GRIK4: variants seen among roughly 807,000 people sequenced by gnomAD.
GRIK4 encodes glutamate receptor ionotropic, kainate 4.
A neutral mutation model predicts 104.9 loss-of-function variants in GRIK4; 40 were observed. That is an observed-to-expected ratio of 0.38 (90% CI 0.30 to 0.50). GRIK4 has a LOEUF of 0.50. Ranked by LOEUF, GRIK4 falls within the 20% of genes least tolerant of loss-of-function variation. GRIK4 has a pLI of 0.93. For missense variants in GRIK4, 1,047 were observed against 1,308.1 expected, an observed-to-expected ratio of 0.80 and a Z score of 3.08; for synonymous variants, 485 against 524.9, an observed-to-expected ratio of 0.92 and a Z score of 1.04.
At chr11:120,522,231 G>C (rs374212390) in intron 1 of GRIK4, among the ~76,000 whole-genome samples, 151 of 152,372 alleles carry the variant, frequency 9.9e-4, no homozygotes, top group African/African-American at 3.4e-3. Flanking sequence ...GCCCGGCGTA[G>C]GGAATGTGCT....
chr11:120,723,569 C>T (rs112761613), intron 3 of GRIK4, among the ~76,000 whole-genome samples: 5 of 152,306 alleles, frequency 3.3e-5, no homozygotes, highest in African/African-American at 1.2e-4. Flanking sequence ...CAAGGTCACA[C>T]AGATGTACCC....
Position 120,964,150 on chromosome 11 carries a change from C to T in GRIK4, c.2266+1469C>T, listed in dbSNP as rs1263468574. On this transcript the variant is annotated intron_variant, in intron 18 of 20. Coordinates refer to ENST00000527524, the MANE Select transcript of GRIK4 (RefSeq NM_014619.5). ...GGGACTACAGACGTGCACTACCACACCCAGCTAATTTTTGTATTTTTGGTA... is the reference window on the plus strand; with the variant it reads ...GGGACTACAGACGTGCACTACCACATCCAGCTAATTTTTGTATTTTTGGTA... Among the ~76,000 whole-genome samples, 5 of 151,958 alleles carry T rather than the reference C, an allele frequency of 3.3e-5. No individual in the cohort carries two copies. The East Asian group carries it at 9.6e-4, about 29-fold the overall frequency.
intron 1 of GRIK4, among the ~76,000 whole-genome samples, chr11:120,636,243 TTTATGTCTGAGG>T (rs1402723203): frequency 6.6e-6 from 1 of 152,196 alleles, no homozygotes; most frequent in Non-Finnish European, 1.5e-5. Flanking sequence ...GTCTTCTTCT[TTTATGTCTGAGG>T]TTATGTGCTG....
intron 20 of GRIK4, among the ~76,000 whole-genome samples, chr11:120,983,915 G>A (rs1944694162): frequency 6.6e-6 from 1 of 152,162 alleles, no homozygotes; most frequent in African/African-American, 2.4e-5. Flanking sequence ...GATTAGGCAG[G>A]TGGTACTGTT....
Position 120,953,734 on chromosome 11 carries a change from C to T in GRIK4, c.1700+770C>T, listed in dbSNP as rs751582726. Among the ~76,000 whole-genome samples the T allele has an allele frequency of 2.6e-5, 4 of 152,192 alleles. No homozygotes were observed. The highest frequency in any genetic ancestry group is 2.9e-5 in the Non-Finnish European group (2 of 68,036). On this transcript the variant is annotated intron_variant, in intron 15 of 20. Coordinates refer to ENST00000527524, the MANE Select transcript of GRIK4 (RefSeq NM_014619.5). The surrounding 1 kb of genome is among the most constrained non-coding windows in gnomAD (Gnocchi z 4.9). Reference sequence around the variant, plus strand: ...AGACTGTGCACAGCAAAGGTAGTTTCGCTCCAGGCCAAGGCTGTTGGGCCA... The same window carrying T: ...AGACTGTGCACAGCAAAGGTAGTTTTGCTCCAGGCCAAGGCTGTTGGGCCA...
chr11:120,797,401 C>T (rs768751165), intron 3 of GRIK4, among the ~76,000 whole-genome samples: 9 of 152,202 alleles, frequency 5.9e-5, no homozygotes, highest in Non-Finnish European at 8.8e-5. Flanking sequence ...GTTCACTGCA[C>T]ATTAAGTCTT....
intron 3 of GRIK4, among the ~76,000 whole-genome samples, chr11:120,750,704 C>T (rs991273568): frequency 2.6e-5 from 4 of 152,148 alleles, no homozygotes; most frequent in African/African-American, 4.8e-5. Context: ...GTTACTTCCT[C>T]ATCTAGAACA....
intron 8 of GRIK4, among the ~76,000 whole-genome samples, chr11:120,845,693 C>T (rs913691467): frequency 2.0e-5 from 3 of 151,926 alleles, no homozygotes; most frequent in Non-Finnish European, 4.4e-5. Context: ...CCAGAAGTTA[C>T]AATCCATCAG....
chr11:120,960,911 G>A lies in GRIK4; in HGVS notation c.1877G>A (p.Trp626Ter). 1 of 1,612,288 alleles carries A rather than the reference G, an allele frequency of 6.2e-7. No individual in the cohort carries two copies. Among genetic ancestry groups the A allele is most frequent in the Admixed American group, 1.7e-5 (1 of 59,650 alleles). The change falls in exon 17 of 21, where the codon TGG becomes TAG. Residue 626 changes from tryptophan to a stop codon, truncating the protein, a stop_gained and splice_region_variant. Transcript: ENST00000527524. LOFTEE classifies it high-confidence loss of function. ...LSTRCVSGVW[W>*]AFTLIIISSY... is the part of the protein sequence containing the mutation. ...CTTCCTCGTCTTTTCCTACATAGGTGGGCATTCACGCTGATCATCATCTCA... is the reference window on the plus strand; with the variant it reads ...CTTCCTCGTCTTTTCCTACATAGGTAGGCATTCACGCTGATCATCATCTCA...
chr11:120,905,531 CTGGGAGGG>C lies in GRIK4; in HGVS notation c.1476+39_1476+46del. The C allele has an allele frequency of 3.4e-5, 16 of 468,994 alleles. No homozygotes were observed. Among genetic ancestry groups the C allele is most frequent in the East Asian group, 6.1e-5 (1 of 16,364 alleles). The allele number at this position is 468,994 out of a possible 1,614,324, so 29.1% of individuals were successfully genotyped here. On this transcript the variant is annotated intron_variant, in intron 13 of 20. Coordinates refer to ENST00000527524, the MANE Select transcript of GRIK4 (RefSeq NM_014619.5). The surrounding 1 kb of genome is among the most constrained non-coding windows in gnomAD (Gnocchi z 5.1). ...CAAGTGATCTGGGCCTGAGGGTGGGCTGGGAGGGATTGGAAGAGCATGAGGTTGTGCTG... is the reference window on the plus strand; with the variant it reads ...CAAGTGATCTGGGCCTGAGGGTGGGCATTGGAAGAGCATGAGGTTGTGCTG...
intron 1 of GRIK4, among the ~76,000 whole-genome samples, chr11:120,577,788 C>T (rs1303359670): frequency 6.6e-6 from 1 of 152,182 alleles, no homozygotes; most frequent in African/African-American, 2.4e-5. Flanking sequence ...CCCTTCCCTG[C>T]TGGCGGCAGG....
chr11:120,726,427 C>T (rs3133846), intron 3 of GRIK4, among the ~76,000 whole-genome samples: 103,602 of 152,110 alleles, frequency 0.68, 35,530 homozygotes, highest in Middle Eastern at 0.78. Flanking sequence ...GGTGGAGGCC[C>T]AGGCCAGGGT....
intron 3 of GRIK4, among the ~76,000 whole-genome samples, chr11:120,775,684 A>G (rs748819359): frequency 1.3e-5 from 2 of 152,248 alleles, no homozygotes; most frequent in Non-Finnish European, 2.9e-5. Context: ...TCATATTCAG[A>G]GCCTGTGGCC....
At chr11:120,756,743 A>G (rs1951660561) in intron 3 of GRIK4, among the ~76,000 whole-genome samples, 3 of 152,124 alleles carry the variant, frequency 2.0e-5, no homozygotes. Context: ...GGATGTTTTT[A>G]TTATTTAAGA....
chr11:120,878,720 C>G (rs1954885311), intron 11 of GRIK4, among the ~76,000 whole-genome samples: 1 of 151,144 alleles, frequency 6.6e-6, no homozygotes, highest in African/African-American at 2.4e-5. Flanking sequence ...ATCAGGGACA[C>G]AGATGTAGCT....
intron 11 of GRIK4, among the ~76,000 whole-genome samples, chr11:120,895,123 C>T (rs1942542547): frequency 6.6e-6 from 1 of 152,054 alleles, no homozygotes; most frequent in Admixed American, 6.6e-5. Context: ...ATAGTTCCTA[C>T]CCCTGGCTTT....
At chr11:120,882,221 G>T (rs986050037) in intron 11 of GRIK4, among the ~76,000 whole-genome samples, 3 of 152,148 alleles carry the variant, frequency 2.0e-5, no homozygotes, top group African/African-American at 4.8e-5. Context: ...GGCTATTAAG[G>T]CTCAGACAGG....
intron 1 of GRIK4, among the ~76,000 whole-genome samples, chr11:120,589,728 C>T (rs1049608450): frequency 2.0e-5 from 3 of 152,218 alleles, no homozygotes; most frequent in Non-Finnish European, 2.9e-5. Flanking sequence ...TGCCCAGCAT[C>T]TCCTATCATC....
intron 13 of GRIK4, among the ~76,000 whole-genome samples, chr11:120,907,356 C>T (rs923734511): frequency 3.9e-5 from 6 of 152,090 alleles, no homozygotes; most frequent in Non-Finnish European, 8.8e-5. Context: ...TGAGCTGTGA[C>T]ATAGACTGGA....
Sources: gnomAD v4.1 joint callset for allele counts (sites outside exome capture counted in the v4.1 genomes callset) on GRCh38, gnomAD v4.1.1 for gene constraint, Gnocchi (gnomAD v3.1) non-coding constraint, MANE v1.5 for transcripts, NCBI Gene and HGNC (gene_info 2026-07-23, HGNC 2026-07-21) for gene names.